Variants in ACSM1 observed in about 807,000 individuals in gnomAD.
ACSM1 encodes the protein acyl-CoA synthetase medium chain family member 1.
In ACSM1, 79 loss-of-function variants were observed where a neutral mutation model predicts 75.8. That is an observed-to-expected ratio of 1.04 (90% confidence interval 0.87 to 1.26). The LOEUF (loss-of-function observed/expected upper bound fraction) is 1.26, where lower values mean the gene tolerates loss of function less well. Among genes scored for constraint, ACSM1 ranks in the 50% most tolerant of loss-of-function variants. The pLI is 0.00. For missense variants in ACSM1, 676 were observed against 720.1 expected, an observed-to-expected ratio of 0.94 and a Z score of 0.70; for synonymous variants, 279 against 265.8, an observed-to-expected ratio of 1.05 and a Z score of -0.48.
In ACSM1 at chr16:20,682,007, A is replaced by T. The variant is rs2079455620; in HGVS notation, c.611+249T>A. 1.7e-5 allele frequency: 7 copies of T among 406,010 alleles called. No homozygotes were observed. In the East Asian group the frequency reaches 3.2e-4, roughly 19 times the overall value. 25.2% of individuals were successfully genotyped at this position (406,010 alleles called of 1,614,324 possible). A position where few individuals can be genotyped will look rare whatever the true frequency, so the allele number is the denominator to read the frequency against. On this transcript the variant is annotated intron_variant, in intron 4 of 13. Coordinates refer to ENST00000520010, the MANE Select transcript of ACSM1 (RefSeq NM_001318890.3). Reference sequence around the variant, plus strand: ...AATGATGTAATACATGTCTCAACTGAATAACTGTCTTTGTTTCTCACTTCT... The same window carrying T: ...AATGATGTAATACATGTCTCAACTGTATAACTGTCTTTGTTTCTCACTTCT...
chr16:20,691,210 C>A lies in ACSM1; in HGVS notation c.-22G>T. The A allele has an allele frequency of 6.5e-7, 1 of 1,540,818 alleles. No homozygotes were observed. Among genetic ancestry groups the A allele is most frequent in the Non-Finnish European group, 8.7e-7 (1 of 1,148,382 alleles). On this transcript the variant is annotated 5_prime_UTR_variant, in exon 2 of 14. Transcript: ENST00000520010. ...GCATGGTGAAACAGTCCTCAGAAACCAGGCACAGAGTTCTCAAGTCACCAC... is the reference window on the plus strand; with the variant it reads ...GCATGGTGAAACAGTCCTCAGAAACAAGGCACAGAGTTCTCAAGTCACCAC...
intron 4 of ACSM1, among the ~76,000 whole-genome samples, chr16:20,672,471 A>AAAAAAATATATATATATAT (rs1555473775): frequency 1.5e-5 from 1 of 64,572 alleles, no homozygotes; most frequent in Non-Finnish European, 2.6e-5. Flanking sequence ...AAAAAAAAAA[A>AAAAAAATATATATATATAT]ATATATATAT....
intron 8 of ACSM1, 92 bp downstream of exon 8, chr16:20,640,369 T>A: frequency 6.9e-7 from 1 of 1,443,328 alleles, no homozygotes; most frequent in African/African-American, 1.4e-5. Flanking sequence ...GGCACAAACC[T>A]GTTTCCCAGA....
chr16:20,682,416 G>C lies in ACSM1; in HGVS notation c.451C>G (p.Leu151Val), dbSNP rs200443428. ...ATILLKAKDI[L>V]YRLQLSKAKG... Reference sequence around the variant, plus strand: ...GCTTTAGACAACTGTAGTCGATAGAGAATGTCTTTGGCCTTCAACAGGATG... The same window carrying C: ...GCTTTAGACAACTGTAGTCGATAGACAATGTCTTTGGCCTTCAACAGGATG... Residue 151 changes from leucine (L) to valine (V), a missense_variant, in exon 4 of 14, where the codon CTC becomes GTC. Transcript: ENST00000520010. 9 of 1,613,960 alleles carry C rather than the reference G, an allele frequency of 5.6e-6. No homozygotes were observed. Among genetic ancestry groups the C allele is most frequent in the Non-Finnish European group, 7.6e-6 (9 of 1,179,900 alleles).
intron 4 of ACSM1, among the ~76,000 whole-genome samples, chr16:20,673,041 G>T (rs1380324692): frequency 7.0e-6 from 1 of 142,338 alleles, no homozygotes; most frequent in Non-Finnish European, 1.5e-5. Context: ...ACACTTACAT[G>T]TCATATATAC....
chr16:20,688,178 G>T (rs756441292), intron 2 of ACSM1, among the ~76,000 whole-genome samples: 1 of 151,952 alleles, frequency 6.6e-6, no homozygotes, highest in African/African-American at 2.4e-5. Context: ...TTCACTAGGG[G>T]TTCAATGGCA....
At chr16:20,675,987 G>A (rs1279856878) in intron 4 of ACSM1, 1 of 152,222 alleles carries the variant, frequency 6.6e-6, no homozygotes, top group African/African-American at 2.4e-5. Context: ...AAAGTCTCAG[G>A]AAAGAGAAAA....
intron 10 of ACSM1, among the ~76,000 whole-genome samples, chr16:20,634,175 C>T (rs977281237): frequency 1.3e-5 from 2 of 152,122 alleles, no homozygotes; most frequent in African/African-American, 4.8e-5. Context: ...TGCCCAATTG[C>T]AAAATAATGA....
chr16:20,684,743 A>C (rs1356975428), intron 3 of ACSM1, among the ~76,000 whole-genome samples: 1 of 152,210 alleles, frequency 6.6e-6, no homozygotes, highest in African/African-American at 2.4e-5. Flanking sequence ...TCAGTAAGAA[A>C]GGGAGAGAAA....
intron 2 of ACSM1, among the ~76,000 whole-genome samples, chr16:20,689,335 G>A (rs1422636928): frequency 6.6e-6 from 1 of 152,026 alleles, no homozygotes; most frequent in Non-Finnish European, 1.5e-5. Flanking sequence ...GAAAATCAAA[G>A]TGTGTCACTA....
At chr16:20,656,457 C>CA (rs1253892189) in intron 7 of ACSM1, among the ~76,000 whole-genome samples, 15 of 152,016 alleles carry the variant, frequency 9.9e-5, no homozygotes, top group African/African-American at 3.4e-4. Flanking sequence ...CACCCCACCC[C>CA]ACCGAGTGGA....
At chr16:20,687,735 AAAAC>A (rs1175386301) in intron 2 of ACSM1, among the ~76,000 whole-genome samples, 1 of 152,172 alleles carries the variant, frequency 6.6e-6, no homozygotes, top group African/African-American at 2.4e-5. Context: ...GGAAATTAGA[AAAAC>A]TATATATGAA....
intron 10 of ACSM1, among the ~76,000 whole-genome samples, chr16:20,630,913 T>C (rs1037322053): frequency 1.3e-5 from 2 of 152,144 alleles, no homozygotes; most frequent in Non-Finnish European, 2.9e-5. Flanking sequence ...AACAACATAC[T>C]CTTAACTAAC....
At chr16:20,662,144 G>C (rs2019334672) in intron 6 of ACSM1, among the ~76,000 whole-genome samples, 1 of 152,194 alleles carries the variant, frequency 6.6e-6, no homozygotes, top group African/African-American at 2.4e-5. Flanking sequence ...GCAGAAGTGG[G>C]TAGATGTCAT....
At chr16:20,658,438 C>A (rs1480550432) in intron 7 of ACSM1, among the ~76,000 whole-genome samples, 4 of 151,586 alleles carry the variant, frequency 2.6e-5, no homozygotes, top group Non-Finnish European at 5.9e-5. Flanking sequence ...ATCCTTCACC[C>A]ACTTTTTGAT....
chr16:20,626,424 T>C (rs192854376), intron 11 of ACSM1, among the ~76,000 whole-genome samples: 6 of 151,138 alleles, frequency 4.0e-5, no homozygotes, highest in Admixed American at 3.9e-4. Flanking sequence ...CCAAGGGAAA[T>C]TGTTACTGTA....
rs138926193 is a variant in ACSM1 at position 20,627,329 on chromosome 16, G to C, written c.1300-13C>G. Reference sequence around the variant, plus strand: ...TCTCTGGGTCACCCTGCAAAAAGAAGAGAGCTCCTTTGTTGAAGGCAGTGA... The same window carrying C: ...TCTCTGGGTCACCCTGCAAAAAGAACAGAGCTCCTTTGTTGAAGGCAGTGA... On this transcript the variant is annotated splice_polypyrimidine_tract_variant and intron_variant, in intron 10 of 13. Coordinates refer to ENST00000520010, the MANE Select transcript of ACSM1 (RefSeq NM_001318890.3). 1 of 1,559,408 alleles carries C rather than the reference G, an allele frequency of 6.4e-7. No homozygotes were observed. Among genetic ancestry groups the C allele is most frequent in the Non-Finnish European group, 8.6e-7 (1 of 1,158,796 alleles).
intron 10 of ACSM1, among the ~76,000 whole-genome samples, chr16:20,632,322 A>C (rs1354270496): frequency 6.6e-6 from 1 of 152,232 alleles, no homozygotes; most frequent in Admixed American, 6.5e-5. Context: ...ACAAGTCTTC[A>C]GCTAGATTGA....
chr16:20,632,448 A>G (rs1450964061), intron 10 of ACSM1, among the ~76,000 whole-genome samples: 1 of 152,212 alleles, frequency 6.6e-6, no homozygotes, highest in Non-Finnish European at 1.5e-5. Flanking sequence ...TAAAATGGAA[A>G]AACTACTGGA....
Sources: allele counts gnomAD v4.1 joint callset (sites outside exome capture counted in the v4.1 genomes callset), GRCh38; gene constraint gnomAD v4.1.1; transcripts MANE v1.5; gene names NCBI Gene and HGNC (gene_info 2026-07-23, HGNC 2026-07-21).